Variants in C16orf87 observed in about 807,000 individuals in gnomAD.
C16orf87 encodes HDAC and MIER1 interacting protein 1.
In C16orf87, 13 loss-of-function variants were observed where a neutral mutation model predicts 21.0. The ratio of observed to expected loss-of-function variants is 0.62; its 90% confidence interval spans 0.40 to 0.98. C16orf87 has a LOEUF of 0.98. Among genes scored for constraint, C16orf87 ranks in the 50% least tolerant of loss-of-function variants. The pLI, the probability that C16orf87 is intolerant of heterozygous loss-of-function variation, is 0.00. For synonymous variants in C16orf87, 49 were observed against 60.2 expected, an observed-to-expected ratio of 0.81 and a Z score of 0.86; for missense variants, 113 against 180.4, an observed-to-expected ratio of 0.63 and a Z score of 2.14.
At chr16:46,803,281 C>G (rs1041128581) in intron 3 of C16orf87, among the ~76,000 whole-genome samples, 3 of 152,106 alleles carry the variant, frequency 2.0e-5, no homozygotes, top group Admixed American at 6.6e-5. Context: ...ATATTTATTT[C>G]TATACACAGG....
intron 1 of C16orf87, chr16:46,830,702 G>A (rs1220183141): frequency 1.1e-5 from 2 of 182,064 alleles, no homozygotes; most frequent in Non-Finnish European, 2.3e-5. Context: ...CCTGGCCTCG[G>A]AGGCGGGCGT....
intron 1 of C16orf87, 74 bp downstream of exon 1, chr16:46,831,010 G>T: frequency 8.0e-7 from 1 of 1,257,190 alleles, no homozygotes; most frequent in Non-Finnish European, 1.1e-6. Context: ...CGGGAGCCCG[G>T]CGAGGCCCCC....
In C16orf87 at chr16:46,796,975, A is replaced by G. The variant is rs1967625248; in HGVS notation, c.*5977T>C. 1 of 152,266 alleles carries G rather than the reference A, an allele frequency of 6.6e-6. No homozygotes were observed. 9.4% of individuals were successfully genotyped at this position (152,266 alleles called of 1,614,324 possible). A position where few individuals can be genotyped will look rare whatever the true frequency, so the allele number is the denominator to read the frequency against. On this transcript the variant is annotated 3_prime_UTR_variant, in exon 4 of 4. Coordinates refer to ENST00000285697, the MANE Select transcript of C16orf87 (RefSeq NM_001001436.4). ...GATTCCTGAAAATACTCAGAGAAAA[A>G]TAACATGTTTCATACAGGGGAAATA...
intron 2 of C16orf87, 107 bp downstream of exon 2, chr16:46,824,279 T>C (rs1959530274): frequency 1.3e-5 from 8 of 620,720 alleles, no homozygotes; most frequent in African/African-American, 1.9e-5. Context: ...AACACTTGAA[T>C]AGATTTAAAC....
rs538657840 is a variant in C16orf87, at chr16:46,819,052, T to TA, written c.163+5333dup. ...CATAGGGTGTGCCCCAAAAAGAGGG[T>TA]ATTTAAACTCACAAAAACTCTGTAA... On this transcript the variant is annotated intron_variant, in intron 2 of 3. Coordinates refer to ENST00000285697, the MANE Select transcript of C16orf87 (RefSeq NM_001001436.4). Among the ~76,000 whole-genome samples the TA allele has an allele frequency of 4.5e-3, 680 of 152,260 alleles. 1 individual carries two copies. The highest frequency in any genetic ancestry group is 7.2e-3 in the Non-Finnish European group (490 of 68,014).
In C16orf87 at chr16:46,831,082, A is replaced by C. The variant is rs1360895007; in HGVS notation, c.66+2T>G. 1 of 1,565,812 alleles carries C rather than the reference A, an allele frequency of 6.4e-7. No homozygotes were observed. Among genetic ancestry groups the C allele is most frequent in the South Asian group, 1.1e-5 (1 of 87,024 alleles). On this transcript the variant is annotated splice_donor_variant, in intron 1 of 3. Coordinates refer to ENST00000285697, the MANE Select transcript of C16orf87 (RefSeq NM_001001436.4). LOFTEE classifies it high-confidence loss of function. ...CCCGCGCGCCCGGCCCCCGGCACCCACCTGTTGGTCGCACTCGGGGCATGA... is the reference window on the plus strand; with the variant it reads ...CCCGCGCGCCCGGCCCCCGGCACCCCCCTGTTGGTCGCACTCGGGGCATGA...
chr16:46,797,829 A>G lies in C16orf87; in HGVS notation c.*5123T>C, dbSNP rs1199974764. 1 of 152,214 alleles carries G rather than the reference A, an allele frequency of 6.6e-6. No individual in the cohort carries two copies. Among genetic ancestry groups the G allele is most frequent in the Non-Finnish European group, 1.5e-5 (1 of 68,042 alleles). The allele number at this position is 152,214 out of a possible 1,614,324, so 9.4% of individuals were successfully genotyped here. A position where few individuals can be genotyped will look rare whatever the true frequency, so the allele number is the denominator to read the frequency against. On this transcript the variant is annotated 3_prime_UTR_variant, in exon 4 of 4. Coordinates refer to ENST00000285697, the MANE Select transcript of C16orf87 (RefSeq NM_001001436.4). ...ATACTGCAAAACTATTCAAAGAACT[A>G]TAATTTTAAAAAACAATAAATTACA...
At chr16:46,821,296 G>A (rs951293821) in intron 2 of C16orf87, among the ~76,000 whole-genome samples, 4 of 152,174 alleles carry the variant, frequency 2.6e-5, no homozygotes, top group African/African-American at 9.6e-5. Flanking sequence ...CTTAGAAAGG[G>A]ACAGAATCTG....
chr16:46,821,340 G>C (rs959479810), intron 2 of C16orf87, among the ~76,000 whole-genome samples: 14 of 152,192 alleles, frequency 9.2e-5, no homozygotes, highest in African/African-American at 3.1e-4. Context: ...CCCCACGTCT[G>C]TACTCTACCA....
At chr16:46,807,877 C>A (rs1967974168) in intron 3 of C16orf87, 3 of 208,208 alleles carry the variant, frequency 1.4e-5, no homozygotes, top group African/African-American at 4.7e-5. Context: ...AAGCTGAAAT[C>A]CTGCATATAT....
intron 2 of C16orf87, among the ~76,000 whole-genome samples, chr16:46,811,864 G>A (rs1968095033): frequency 6.6e-6 from 1 of 152,214 alleles, no homozygotes; most frequent in Non-Finnish European, 1.5e-5. Flanking sequence ...CGAGGCAAGA[G>A]TATTGCTTGA....
At chr16:46,822,455 T>A (rs1331917429) in intron 2 of C16orf87, among the ~76,000 whole-genome samples, 1 of 151,928 alleles carries the variant, frequency 6.6e-6, no homozygotes, top group Non-Finnish European at 1.5e-5. Flanking sequence ...TCTCAGAGAG[T>A]AAGATCCAGA....
At chr16:46,812,151 T>C (rs1227255388) in intron 2 of C16orf87, among the ~76,000 whole-genome samples, 2 of 151,726 alleles carry the variant, frequency 1.3e-5, no homozygotes, top group Non-Finnish European at 2.9e-5. Flanking sequence ...GGCCAAGACA[T>C]GAGAATTGTT....
intron 2 of C16orf87, among the ~76,000 whole-genome samples, chr16:46,821,085 T>A (rs1277656407): frequency 6.6e-6 from 1 of 152,216 alleles, no homozygotes; most frequent in Non-Finnish European, 1.5e-5. Context: ...TCTTCTCAAT[T>A]CCCTACATAC....
chr16:46,826,102 G>A (rs1214112271), intron 1 of C16orf87, among the ~76,000 whole-genome samples: 3 of 151,870 alleles, frequency 2.0e-5, no homozygotes, highest in Non-Finnish European at 2.9e-5. Context: ...GAATGACTCC[G>A]GACAAGATAT....
intron 2 of C16orf87, among the ~76,000 whole-genome samples, chr16:46,822,337 A>C (rs1180255453): frequency 1.3e-5 from 2 of 152,250 alleles, no homozygotes; most frequent in Admixed American, 1.3e-4. Context: ...CCTAAGAACA[A>C]GGACCATGTC....
In C16orf87 at chr16:46,798,112, A is replaced by C. The variant is rs1184391849; in HGVS notation, c.*4840T>G. ...CAATGATCTGAGCTTCCGCCACAATAAGCTAGAAAAGGGAGCAAATAAGCC... is the reference window on the plus strand; with the variant it reads ...CAATGATCTGAGCTTCCGCCACAATCAGCTAGAAAAGGGAGCAAATAAGCC... On this transcript the variant is annotated 3_prime_UTR_variant, in exon 4 of 4. Transcript: ENST00000285697. 1 of 152,310 alleles carries C rather than the reference A, an allele frequency of 6.6e-6. No homozygotes were observed. Among genetic ancestry groups the C allele is most frequent in the Non-Finnish European group, 1.5e-5 (1 of 68,028 alleles). 9.4% of individuals were successfully genotyped at this position (152,310 alleles called of 1,614,324 possible).
Position 46,831,164 on chromosome 16 carries a change from G to A in C16orf87, c.-15C>T, listed in dbSNP as rs376171816. ...GTTGCAGACATGCTCCTCTCCCTTA[G>A]CGGCGGCAGCAGCGACGGCTCGGGC... On this transcript the variant is annotated 5_prime_UTR_variant, in exon 1 of 4. Transcript: ENST00000285697. The A allele has an allele frequency of 4.5e-6, 7 of 1,555,844 alleles. No individual in the cohort carries two copies. Among genetic ancestry groups the A allele is most frequent in the African/African-American group, 4.2e-5 (3 of 71,044 alleles).
intron 1 of C16orf87, among the ~76,000 whole-genome samples, chr16:46,824,913 C>G (rs1426266147): frequency 1.3e-5 from 2 of 152,152 alleles, no homozygotes; most frequent in Non-Finnish European, 2.9e-5. Flanking sequence ...ATCCGCCCAC[C>G]TCAGCCTCTC....
Sources: allele counts gnomAD v4.1 joint callset (sites outside exome capture counted in the v4.1 genomes callset), GRCh38; gene constraint gnomAD v4.1.1; transcripts MANE v1.5; gene names NCBI Gene and HGNC (gene_info 2026-07-23, HGNC 2026-07-21).